ST8SIA4: variants seen among roughly 807,000 people sequenced by gnomAD.
ST8SIA4 encodes CMP-N-acetylneuraminate-poly-alpha-2,8-sialyltransferase.
In ST8SIA4, 15 loss-of-function variants were observed where a neutral mutation model predicts 33.9. That is an observed-to-expected ratio of 0.44 (90% confidence interval 0.30 to 0.68). ST8SIA4 has a LOEUF of 0.68. Among genes scored for constraint, ST8SIA4 ranks in the 30% least tolerant of loss-of-function variants. The probability of loss-of-function intolerance (pLI) is 0.10; values close to 1 mark genes in which losing one functional copy is unlikely to be tolerated. For synonymous variants in ST8SIA4, 171 were observed against 151.2 expected (o/e 1.13, Z -0.96); for missense variants, 321 against 428.0 (o/e 0.75, Z 2.21).
chr5:100,901,097 G>A (rs573003589), intron 1 of ST8SIA4, among the ~76,000 whole-genome samples: 5 of 152,350 alleles, frequency 3.3e-5, no homozygotes, highest in Admixed American at 1.3e-4. Context: ...TCCAGGAAAG[G>A]GCCACAGGAG....
chr5:100,823,373 G>A (rs987857458), intron 4 of ST8SIA4, among the ~76,000 whole-genome samples: 2 of 152,138 alleles, frequency 1.3e-5, no homozygotes, highest in Non-Finnish European at 2.9e-5. Flanking sequence ...AGCAGCCCTT[G>A]GGGCTGCTCT....
chr5:100,867,755 T>A (rs1156501408), intron 3 of ST8SIA4, among the ~76,000 whole-genome samples: 2 of 152,016 alleles, frequency 1.3e-5, no homozygotes, highest in Non-Finnish European at 2.9e-5. Context: ...TGAAAATGAT[T>A]TTTAACTTAG....
At chr5:100,844,895 A>T (rs979770682) in intron 4 of ST8SIA4, among the ~76,000 whole-genome samples, 1 of 152,050 alleles carries the variant, frequency 6.6e-6, no homozygotes, top group African/African-American at 2.4e-5. Context: ...AAGAAACAGA[A>T]ATGACTCTTT....
intron 3 of ST8SIA4, among the ~76,000 whole-genome samples, chr5:100,869,170 C>A (rs1330555388): frequency 1.3e-5 from 2 of 151,916 alleles, no homozygotes; most frequent in Non-Finnish European, 2.9e-5. Flanking sequence ...AAGTGAAGAA[C>A]AATTATAAGA....
intron 3 of ST8SIA4, among the ~76,000 whole-genome samples, chr5:100,868,020 A>G (rs1373716839): frequency 6.6e-6 from 1 of 152,022 alleles, no homozygotes; most frequent in Non-Finnish European, 1.5e-5. Flanking sequence ...TGATCCCCAT[A>G]ATGTTCTTAT....
chr5:100,857,707 A>G (rs1021324676), intron 3 of ST8SIA4, among the ~76,000 whole-genome samples: 1 of 152,034 alleles, frequency 6.6e-6, no homozygotes, highest in African/African-American at 2.4e-5. Flanking sequence ...TTCTGATACT[A>G]AAAATACTGT....
chr5:100,829,716 T>G (rs1052680013), intron 4 of ST8SIA4, among the ~76,000 whole-genome samples: 9 of 152,254 alleles, frequency 5.9e-5, no homozygotes, highest in African/African-American at 1.9e-4. Context: ...GAGACCATCC[T>G]GGCTAACACG....
chr5:100,872,196 CTCTT>C (rs903319678), intron 3 of ST8SIA4, among the ~76,000 whole-genome samples: 6 of 151,868 alleles, frequency 4.0e-5, no homozygotes, highest in African/African-American at 9.7e-5. Context: ...ATCTTATTCA[CTCTT>C]TATTATTTTG....
Position 100,903,143 on chromosome 5 carries a change from C to T in ST8SIA4, c.-188G>A. 1 of 587,736 alleles carries T rather than the reference C, an allele frequency of 1.7e-6. No homozygotes were observed. The highest frequency in any genetic ancestry group is 3.0e-6 in the Non-Finnish European group (1 of 331,390). The allele number at this position is 587,736 out of a possible 1,614,324, so 36.4% of individuals were successfully genotyped here. A position where few individuals can be genotyped will look rare whatever the true frequency, so the allele number is the denominator to read the frequency against. ...GCTCCCTCTGGTCCTCGAACGCTGC[C>T]CAGCGACCTCTCGCCCTGTTTGCGC... On this transcript the variant is annotated 5_prime_UTR_variant, in exon 1 of 5. An upstream open reading frame in the 5' UTR gains an earlier in-frame stop. Transcript: ENST00000231461.
At chr5:100,839,725 T>G (rs997589156) in intron 4 of ST8SIA4, among the ~76,000 whole-genome samples, 1 of 151,834 alleles carries the variant, frequency 6.6e-6, no homozygotes, top group Non-Finnish European at 1.5e-5. Context: ...TTTATTATAT[T>G]GAAAAATCAT....
At position 100,826,802 on chromosome 5, in the gene ST8SIA4, A is replaced by G. The variant is rs191512180; in HGVS notation, c.798-14673T>C. Reference sequence around the variant, plus strand: ...AAATATCTATATGAGTGTCCTATTCAGAATAGTTATATAACATGTATAGTT... The same window carrying G: ...AAATATCTATATGAGTGTCCTATTCGGAATAGTTATATAACATGTATAGTT... On this transcript the variant is annotated intron_variant, in intron 4 of 4. Transcript: ENST00000231461. 3.2e-3 allele frequency among the ~76,000 whole-genome samples: 494 copies of G among 152,142 alleles called. 1 individual carries two copies. The highest frequency in any genetic ancestry group is 0.011 in the African/African-American group (473 of 41,548).
chr5:100,851,976 T>A (rs1316130576), intron 4 of ST8SIA4, among the ~76,000 whole-genome samples: 1 of 151,938 alleles, frequency 6.6e-6, no homozygotes, highest in Non-Finnish European at 1.5e-5. Flanking sequence ...TATTAAGATA[T>A]TAAGTTGTAT....
At chr5:100,841,559 C>T (rs1489452032) in intron 4 of ST8SIA4, among the ~76,000 whole-genome samples, 1 of 151,884 alleles carries the variant, frequency 6.6e-6, no homozygotes, top group Non-Finnish European at 1.5e-5. Flanking sequence ...TATTGAGCTC[C>T]TATGCTTGGG....
rs143955845 is a variant in ST8SIA4 at position 100,823,613 on chromosome 5, C to T, written c.798-11484G>A. 9.8e-3 allele frequency among the ~76,000 whole-genome samples: 1,490 copies of T among 152,240 alleles called. 10 individuals carry two copies. Among genetic ancestry groups the T allele is most frequent in the Non-Finnish European group, 0.014 (975 of 68,028 alleles). ...TTGTTTATAATTTAACGAACTAGTG[C>T]CTGAATTATACAACCAGGAATTTAA... On this transcript the variant is annotated intron_variant, in intron 4 of 4. Coordinates refer to ENST00000231461, the MANE Select transcript of ST8SIA4 (RefSeq NM_005668.6).
chr5:100,869,769 T>A (rs1301889047), intron 3 of ST8SIA4, among the ~76,000 whole-genome samples: 1 of 152,204 alleles, frequency 6.6e-6, no homozygotes, highest in South Asian at 2.1e-4. Context: ...ATCATTTAAA[T>A]TCAGCATATC....
intron 4 of ST8SIA4, 129 bp downstream of exon 4, chr5:100,855,974 C>T: frequency 1.2e-6 from 1 of 863,916 alleles, no homozygotes; most frequent in Non-Finnish European, 1.7e-6. Flanking sequence ...AATAGAGTAA[C>T]CATTATAAAA....
intron 4 of ST8SIA4, among the ~76,000 whole-genome samples, chr5:100,831,288 C>A (rs1751252880): frequency 6.6e-6 from 1 of 152,188 alleles, no homozygotes; most frequent in African/African-American, 2.4e-5. Flanking sequence ...GGGTGACTGA[C>A]AGTCTCTATC....
intron 3 of ST8SIA4, among the ~76,000 whole-genome samples, chr5:100,860,907 T>C (rs1751925011): frequency 1.3e-5 from 2 of 152,144 alleles, no homozygotes; most frequent in African/African-American, 2.4e-5. Context: ...CCATGACCTT[T>C]CCCAAATTTT....
At chr5:100,862,156 G>A (rs972315078) in intron 3 of ST8SIA4, among the ~76,000 whole-genome samples, 1 of 151,960 alleles carries the variant, frequency 6.6e-6, no homozygotes, top group Non-Finnish European at 1.5e-5. Flanking sequence ...ATGACTGATG[G>A]GGCCAGATTG....
Sources: gnomAD v4.1 joint callset for allele counts (sites outside exome capture counted in the v4.1 genomes callset) on GRCh38, gnomAD v4.1.1 for gene constraint, MANE v1.5 for transcripts, NCBI Gene and HGNC (gene_info 2026-07-23, HGNC 2026-07-21) for gene names.